TCFL5: variants seen among roughly 807,000 people sequenced by gnomAD.
TCFL5 encodes transcription factor like 5.
TCFL5 carries 9 observed loss-of-function variants against 44.3 expected under a neutral mutation model. That is an observed-to-expected ratio of 0.20 (90% confidence interval 0.12 to 0.35). TCFL5 has a LOEUF of 0.35. Ranked by LOEUF, TCFL5 falls within the 10% of genes least tolerant of loss-of-function variation. The pLI, the probability that TCFL5 is intolerant of heterozygous loss-of-function variation, is 1.00. For synonymous variants in TCFL5, 319 were observed against 271.6 expected (o/e 1.17, Z -1.72); for missense variants, 603 against 613.4 (o/e 0.98, Z 0.18).
At chr20:62,853,820 C>A (rs1377179247) in intron 5 of TCFL5, among the ~76,000 whole-genome samples, 196 bp downstream of exon 5, 3 of 152,204 alleles carry the variant, frequency 2.0e-5, no homozygotes, top group Non-Finnish European at 4.4e-5. Context: ...GAGTGTAACA[C>A]ATGTAGGCTG....
chr20:62,851,873 T>C, intron 5 of TCFL5: 6 of 963,650 alleles, frequency 6.2e-6, no homozygotes, highest in Non-Finnish European at 7.4e-6. Flanking sequence ...GCAGTGGTGC[T>C]ATCTTGGCTC....
intron 4 of TCFL5, among the ~76,000 whole-genome samples, chr20:62,855,011 G>A (rs1057190839): frequency 6.6e-6 from 1 of 152,198 alleles, no homozygotes; most frequent in Non-Finnish European, 1.5e-5. Flanking sequence ...TCAACGTACG[G>A]TGTAAGGCTT....
chr20:62,859,584 C>T, intron 2 of TCFL5, 58 bp from the exon 3 acceptor site: 1 of 1,505,194 alleles, frequency 6.6e-7, no homozygotes, highest in Non-Finnish European at 9.0e-7. Context: ...CTCCTCTTTA[C>T]TGCACAAATG....
At chr20:62,844,233 C>T (rs1204816363) in intron 5 of TCFL5, among the ~76,000 whole-genome samples, 3 of 152,184 alleles carry the variant, frequency 2.0e-5, no homozygotes, top group East Asian at 3.8e-4. Context: ...CCAACACTTG[C>T]TATTTTGCTT....
At chr20:62,844,346 A>C (rs1039299039) in intron 5 of TCFL5, among the ~76,000 whole-genome samples, 1 of 152,178 alleles carries the variant, frequency 6.6e-6, no homozygotes, top group Admixed American at 6.6e-5. Flanking sequence ...CGCATCTTTC[A>C]TGGGCTTATT....
intron 1 of TCFL5, among the ~76,000 whole-genome samples, chr20:62,860,788 G>T (rs2063985720): frequency 6.6e-6 from 1 of 152,222 alleles, no homozygotes; most frequent in African/African-American, 2.4e-5. Flanking sequence ...CCCACTCCAG[G>T]CGGGGCCACT....
At chr20:62,854,271 G>C in intron 4 of TCFL5, 114 bp from the exon 5 acceptor site, 1 of 1,348,114 alleles carries the variant, frequency 7.4e-7, no homozygotes, top group Admixed American at 2.5e-5. Flanking sequence ...CCTGGCCACT[G>C]AGTGCCACGG....
chr20:62,852,546 G>C (rs561870187), intron 5 of TCFL5: 1 of 985,472 alleles, frequency 1.0e-6, no homozygotes, highest in Non-Finnish European at 1.2e-6. Context: ...CCACTGCCAC[G>C]ACCACACAGA....
intron 5 of TCFL5, among the ~76,000 whole-genome samples, chr20:62,851,283 T>A (rs2063806305): frequency 6.6e-6 from 1 of 152,120 alleles, no homozygotes; most frequent in African/African-American, 2.4e-5. Context: ...CCAGAAGTAA[T>A]CAGATTCAAT....
intron 3 of TCFL5, among the ~76,000 whole-genome samples, chr20:62,858,218 T>C (rs988252272): frequency 2.0e-5 from 3 of 152,250 alleles, no homozygotes; most frequent in Admixed American, 1.3e-4. Context: ...GCTTTTCTGC[T>C]GCGTGACAGG....
Position 62,861,334 on chromosome 20 carries a change from C to A in TCFL5, c.337G>T (p.Ala113Ser). ...AGGCAGGGCGCGTCGGCCGCCAGCG[C>A]GGACGGGCACAGCACGGGGTACACG... The part of the protein sequence containing the change: ...APVYPVLCPS[A>S]LAADAPCLGH... The change falls in exon 1 of 6, where the codon GCG becomes TCG. Residue 113 changes from alanine (A) to serine (S), a missense_variant. Around this residue, in one of 4 missense-constraint regions of TCFL5, gnomAD observed 540 missense variants for 478.7 expected, o/e 1.13. Transcript: ENST00000335351. This position sits in a 1 kb window ranked among gnomAD's most constrained non-coding sequence, Gnocchi z 4.0. 1.8e-6 allele frequency: 2 copies of A among 1,136,892 alleles called. No individual in the cohort carries two copies. Among genetic ancestry groups the A allele is most frequent in the East Asian group, 6.7e-5 (1 of 14,840 alleles). The allele number at this position is 1,136,892 out of a possible 1,614,324, so 70.4% of individuals were successfully genotyped here. A position where few individuals can be genotyped will look rare whatever the true frequency, so the allele number is the denominator to read the frequency against.
At position 62,861,486 on chromosome 20, in the gene TCFL5, C is replaced by G. The variant is rs747220619; in HGVS notation, c.185G>C (p.Cys62Ser). The stretch of plus-strand genomic sequence containing the variant: ...GTCAGCCGCCGCCTCCATGTGCGAG[C>G]AGAGGATGTGCTGCAGCTGCGTGTA... The part of the protein sequence containing the change: ...VEYTQLQHIL[C>S]SHMEAAADGE... Residue 62 changes from cysteine (C) to serine (S), a missense_variant, in exon 1 of 6, where the codon TGC (cysteine) becomes TCC (serine). Around this residue, in one of 4 missense-constraint regions of TCFL5, gnomAD observed 540 missense variants for 478.7 expected, o/e 1.13. Coordinates refer to ENST00000335351, the MANE Select transcript of TCFL5 (RefSeq NM_006602.4). The surrounding 1 kb of genome is among the most constrained non-coding windows in gnomAD (Gnocchi z 4.0). 2 of 1,196,166 alleles carry G rather than the reference C, an allele frequency of 1.7e-6. No individual in the cohort carries two copies. Among genetic ancestry groups the G allele is most frequent in the Non-Finnish European group, 2.1e-6 (2 of 949,162 alleles). 74.1% of individuals were successfully genotyped at this position (1,196,166 alleles called of 1,614,324 possible). A position where few individuals can be genotyped will look rare whatever the true frequency, so the allele number is the denominator to read the frequency against.
chr20:62,851,794 C>T, intron 5 of TCFL5: 1 of 985,350 alleles, frequency 1.0e-6, no homozygotes, highest in African/African-American at 1.7e-5. Flanking sequence ...TCTCTCTAGC[C>T]CCACCATGAC....
chr20:62,845,811 G>C (rs1278486662), intron 5 of TCFL5: 1 of 1,602,592 alleles, frequency 6.2e-7, no homozygotes, highest in Non-Finnish European at 8.5e-7. Context: ...AATGTGTCCA[G>C]GCTGCTCTCT....
intron 3 of TCFL5, 102 bp from the exon 4 acceptor site, chr20:62,857,740 G>A: frequency 7.1e-7 from 1 of 1,399,274 alleles, no homozygotes. Flanking sequence ...AAACATTATT[G>A]GGTAAGCAGC....
At chr20:62,850,431 T>TC (rs1203616821) in intron 5 of TCFL5, among the ~76,000 whole-genome samples, 1 of 151,514 alleles carries the variant, frequency 6.6e-6, no homozygotes, top group Non-Finnish European at 1.5e-5. Flanking sequence ...AACAGCCCCA[T>TC]CCACCCAGCC....
chr20:62,845,123 A>AT (rs11086140), intron 5 of TCFL5: 150,986 of 723,192 alleles, frequency 0.21, 3,348 homozygotes, highest in African/African-American at 0.37. Context: ...TTTCTTCCCA[A>AT]TTTTTTTTTT....
intron 5 of TCFL5, among the ~76,000 whole-genome samples, chr20:62,848,588 AT>A (rs1258000045): frequency 6.6e-6 from 1 of 151,896 alleles, no homozygotes; most frequent in Non-Finnish European, 1.5e-5. Context: ...AAATACAAAA[AT>A]TAGCCGGGCG....
Position 62,854,174 on chromosome 20 carries a change from AAG to A in TCFL5, c.1239-19_1239-18del, listed in dbSNP as rs779853510. 14 of 1,612,364 alleles carry A rather than the reference AAG, an allele frequency of 8.7e-6. No individual in the cohort carries two copies. The highest frequency in any genetic ancestry group is 1.2e-5 in the Non-Finnish European group (14 of 1,179,504). On this transcript the variant is annotated intron_variant, in intron 4 of 5. Transcript: ENST00000335351. Reference sequence around the variant, plus strand: ...ATTCTGCGCCTATAGTCAAAACCCAAAGTCATCACCGAGAGAGACCGGAGCAA... The same window carrying A: ...ATTCTGCGCCTATAGTCAAAACCCAATCATCACCGAGAGAGACCGGAGCAA...
Sources: allele counts gnomAD v4.1 joint callset (sites outside exome capture counted in the v4.1 genomes callset), GRCh38; gene constraint gnomAD v4.1.1; regional missense constraint gnomAD v4.1.1; non-coding constraint Gnocchi (gnomAD v3.1); transcripts MANE v1.5; gene names NCBI Gene and HGNC (gene_info 2026-07-23, HGNC 2026-07-21).